Variants in UPF3B observed in about 807,000 individuals in gnomAD.
UPF3B encodes the protein regulator of nonsense transcripts 3B.
A neutral mutation model predicts 40.3 loss-of-function variants in UPF3B; 7 were observed. The ratio of observed to expected loss-of-function variants is 0.17; its 90% CI spans 0.10 to 0.33. UPF3B has a LOEUF of 0.33. Ranked by LOEUF, UPF3B falls within the 10% of genes least tolerant of loss-of-function variation. UPF3B has a pLI of 1.00. For missense variants in UPF3B, 229 were observed against 358.9 expected (o/e 0.64, Z 2.93); for synonymous variants, 117 against 117.3 (o/e 1.00, Z 0.01).
rs887202493 is a variant in UPF3B, at chrX:119,851,608, A to G, written c.264-7T>C. 5 of 1,146,840 alleles carry G rather than the reference A, an allele frequency of 4.4e-6. No individual in the cohort carries two copies. In the African/African-American group the frequency reaches 7.2e-5, roughly 16 times the overall value. 94.5% of individuals were successfully genotyped at this position (1,146,840 alleles called of 1,213,427 possible). On this transcript the variant is annotated splice_polypyrimidine_tract_variant and splice_region_variant and intron_variant, in intron 2 of 10. Coordinates refer to ENST00000276201, the MANE Select transcript of UPF3B (RefSeq NM_080632.3). ...ATACATATGAGGATACAAACTGCAG[A>G]GAGGAAAGCAATTATGTAAATGTAC... is the stretch of plus-strand genomic sequence containing the variant.
intron 3 of UPF3B, 94 bp downstream of exon 3, chrX:119,851,401 G>A (rs945096186): frequency 3.2e-6 from 2 of 619,740 alleles, no homozygotes; most frequent in Admixed American, 2.5e-5. Flanking sequence ...CTTATTAAAT[G>A]TGTAAAACTC....
intron 5 of UPF3B, among the ~76,000 whole-genome samples, chrX:119,814,838 C>G (rs2055849478): frequency 9.4e-6 from 1 of 106,758 alleles, no homozygotes; most frequent in Admixed American, 1.0e-4. Context: ...GCTGCACACT[C>G]CTCTACTCTT....
intron 5 of UPF3B, among the ~76,000 whole-genome samples, chrX:119,813,364 T>C (rs2055839347): frequency 9.2e-6 from 1 of 109,283 alleles, no homozygotes; most frequent in Non-Finnish European, 1.9e-5. Flanking sequence ...CTTACAGAGC[T>C]GGTTGTTGTA....
intron 3 of UPF3B, among the ~76,000 whole-genome samples, chrX:119,846,778 GACT>G (rs1337705463): frequency 1.8e-5 from 2 of 111,160 alleles, no homozygotes; most frequent in Admixed American, 9.6e-5. Context: ...AGATAAATTG[GACT>G]ACGTCAAAAT....
At chrX:119,851,021 T>C (rs912097587) in intron 3 of UPF3B, among the ~76,000 whole-genome samples, 9 of 112,593 alleles carry the variant, frequency 8.0e-5, no homozygotes, top group Non-Finnish European at 1.1e-4. Context: ...ATAACAGGCG[T>C]GAGCCACCAC....
At chrX:119,851,645 T>TG in intron 2 of UPF3B, 44 bp from the exon 3 acceptor site, 4 of 1,026,098 alleles carry the variant, frequency 3.9e-6, no homozygotes, top group Non-Finnish European at 5.5e-6. Context: ...CGCAGGTGTC[T>TG]GGCCCAATTA....
chrX:119,840,762 A>C, intron 7 of UPF3B, 78 bp from the exon 8 acceptor site: 1 of 1,001,333 alleles, frequency 1.0e-6, no homozygotes, highest in Non-Finnish European at 1.4e-6. Context: ...AAAACCATAA[A>C]TCATGCCAGC....
chrX:119,849,324 T>C (rs1324444031), intron 3 of UPF3B, among the ~76,000 whole-genome samples: 1 of 109,914 alleles, frequency 9.1e-6, no homozygotes, highest in African/African-American at 3.3e-5. Flanking sequence ...TGAAACCCCA[T>C]CTCCTAAAAT....
chrX:119,820,276 T>C (rs1027180531), intron 4 of UPF3B, among the ~76,000 whole-genome samples: 4 of 111,547 alleles, frequency 3.6e-5, no homozygotes, highest in Non-Finnish European at 5.7e-5. Flanking sequence ...CCTGAGAAGT[T>C]TGGACTACAG....
chrX:119,828,976 C>T (rs2056009479), intron 3 of UPF3B, among the ~76,000 whole-genome samples: 1 of 111,604 alleles, frequency 9.0e-6, no homozygotes, highest in East Asian at 2.8e-4. Context: ...CCACCTCTGC[C>T]TCCAAAAGTG....
At chrX:119,821,789 C>T (rs763929376) in intron 4 of UPF3B, among the ~76,000 whole-genome samples, 1 of 105,955 alleles carries the variant, frequency 9.4e-6, no homozygotes, top group East Asian at 2.9e-4. Flanking sequence ...CAGAGTGAAA[C>T]TCTGTCTCAA....
At chrX:119,842,605 T>TACACACACAC (rs543555558) in intron 5 of UPF3B, among the ~76,000 whole-genome samples, 2,845 of 91,280 alleles carry the variant, frequency 0.031, 88 homozygotes, top group African/African-American at 0.089. Context: ...CACACACACA[T>TACACACACAC]ACACACACAC....
rs932853868 is a variant in UPF3B, at chrX:119,834,872, G to A, written c.*6C>T. ...CAGTCAGGACACCTAAGGCCATCTGGACTTATCACTCCTCTCCTCCTTCTT... is the reference window on the plus strand; with the variant it reads ...CAGTCAGGACACCTAAGGCCATCTGAACTTATCACTCCTCTCCTCCTTCTT... On this transcript the variant is annotated 3_prime_UTR_variant, in exon 11 of 11. Coordinates refer to ENST00000276201, the MANE Select transcript of UPF3B (RefSeq NM_080632.3). 6 of 1,208,895 alleles carry A rather than the reference G, an allele frequency of 5.0e-6. No homozygotes were observed. In the Admixed American group the frequency reaches 8.8e-5, roughly 18 times the overall value.
intron 5 of UPF3B, among the ~76,000 whole-genome samples, chrX:119,809,016 TAGAA>T (rs1209772527): frequency 8.9e-6 from 1 of 112,232 alleles, no homozygotes; most frequent in African/African-American, 3.2e-5. Context: ...TTCACAGTGG[TAGAA>T]AGAAATACCC....
At chrX:119,828,459 C>G (rs763198204) in intron 3 of UPF3B, among the ~76,000 whole-genome samples, 3 of 111,198 alleles carry the variant, frequency 2.7e-5, no homozygotes, top group African/African-American at 9.8e-5. Context: ...ATTGCTTGAT[C>G]CCAGGAGTTT....
chrX:119,815,719 A>G, intron 4 of UPF3B, among the ~76,000 whole-genome samples: 1 of 111,295 alleles, frequency 9.0e-6, no homozygotes, highest in Non-Finnish European at 1.9e-5. Flanking sequence ...GGGTCTCCCT[A>G]TGTTATCCGG....
intron 10 of UPF3B, 135 bp from the exon 11 acceptor site, chrX:119,835,162 A>G (rs1266854195): frequency 2.9e-6 from 2 of 687,298 alleles, no homozygotes; most frequent in African/African-American, 2.1e-5. Context: ...GGGCACGGTA[A>G]ATGACAACTT....
chrX:119,831,930 C>T (rs927568357), downstream of UPF3B, among the ~76,000 whole-genome samples: 7 of 111,731 alleles, frequency 6.3e-5, no homozygotes, highest in South Asian at 7.3e-4. Flanking sequence ...CCATCTCCAA[C>T]GAAAAGCAAC....
intron 3 of UPF3B, among the ~76,000 whole-genome samples, chrX:119,850,852 C>T (rs2056294924): frequency 8.9e-6 from 1 of 112,137 alleles, no homozygotes; most frequent in Admixed American, 9.4e-5. Flanking sequence ...GATTCTTCTG[C>T]CTCAGCCTCC....
Sources: gnomAD v4.1 joint callset for allele counts (sites outside exome capture counted in the v4.1 genomes callset) on GRCh38, gnomAD v4.1.1 for gene constraint, MANE v1.5 for transcripts, NCBI Gene and HGNC (gene_info 2026-07-23, HGNC 2026-07-21) for gene names.